RBM39: variants seen among roughly 807,000 people sequenced by gnomAD.
The protein encoded by RBM39 is RNA-binding protein 39.
Under a neutral mutation model 79.6 loss-of-function variants are expected in RBM39, and 12 were observed. That is an observed-to-expected ratio of 0.15 (90% CI 0.10 to 0.24). RBM39 has a LOEUF of 0.24. RBM39 is among the 10% of genes least tolerant of loss of function. The pLI, the probability that RBM39 is intolerant of heterozygous loss-of-function variation, is 1.00. For synonymous variants in RBM39, 185 were observed against 208.4 expected (o/e 0.89, Z 0.97); for missense variants, 243 against 653.4 (o/e 0.37, Z 6.85).
Position 35,704,486 on chromosome 20 carries a change from G to T in RBM39, c.1588C>A (p.Arg530=). 2 of 1,603,478 alleles carry T rather than the reference G, an allele frequency of 1.2e-6. No homozygotes were observed. The highest frequency in any genetic ancestry group is 2.2e-5 in the South Asian group (2 of 90,730). The change falls in exon 17 of 17, where the codon CGA becomes AGA. Residue 530 remains arginine (R), a synonymous_variant. Coordinates refer to ENST00000253363, the MANE Select transcript of RBM39 (RefSeq NM_184234.3). ...TATQLLVPSR[R] is the part of the protein sequence containing the mutation. Reference sequence around the variant, plus strand: ...ATAAGGGACTATATCTTCCTTCATCGTCTACTTGGAACCAGTAGCTGTGTT... The same window carrying T: ...ATAAGGGACTATATCTTCCTTCATCTTCTACTTGGAACCAGTAGCTGTGTT...
At chr20:35,714,100 T>C in intron 11 of RBM39, 85 bp downstream of exon 11, 1 of 1,349,064 alleles carries the variant, frequency 7.4e-7, no homozygotes. Context: ...ATAAAATCTT[T>C]TTCCCTTTCT....
intron 13 of RBM39, chr20:35,708,956 A>T (rs1376534139): frequency 5.9e-6 from 2 of 337,928 alleles, no homozygotes; most frequent in Non-Finnish European, 1.1e-5. Context: ...ACACACAGGT[A>T]GGCATAAAAC....
intron 9 of RBM39, among the ~76,000 whole-genome samples, chr20:35,719,439 C>A (rs888172205): frequency 3.9e-5 from 6 of 152,106 alleles, no homozygotes; most frequent in Non-Finnish European, 5.9e-5. Flanking sequence ...CAGTGGCTCA[C>A]GCCTGTAATG....
chr20:35,737,848 C>CAAAAA (rs35300439), intron 3 of RBM39, among the ~76,000 whole-genome samples: 10 of 40,432 alleles, frequency 2.5e-4, no homozygotes, highest in African/African-American at 6.4e-4. Context: ...GACTCCGTGT[C>CAAAAA]AAAAAAAAAA....
intron 9 of RBM39, among the ~76,000 whole-genome samples, chr20:35,718,412 C>A (rs2037449087): frequency 6.6e-6 from 1 of 152,008 alleles, no homozygotes; most frequent in Non-Finnish European, 1.5e-5. Context: ...TTAGGCTGGG[C>A]TCGGTGGCTC....
At position 35,704,519 on chromosome 20, in the gene RBM39, T is replaced by C. The variant is rs200574488; in HGVS notation, c.1555A>G (p.Met519Val). 4.4e-4 allele frequency: 703 copies of C among 1,613,318 alleles called. 2 individuals carry two copies. Among genetic ancestry groups the C allele is most frequent in the Middle Eastern group, 8.5e-4 (5 of 5,916 alleles). Residue 519 changes from methionine (M) to valine (V), a missense_variant, in exon 17 of 17, where the codon ATG becomes GTG. Met to Val is a conservative substitution (Grantham distance 21). Transcript: ENST00000253363. ...GGAACCAGTAGCTGTGTTGCTGTCA[T>C]AGAATCAGGAAACAGGTTGTGGTAA... The part of the protein sequence containing the change: ...PTYHNLFPDS[M>V]TATQLLVPSR...
intron 12 of RBM39, chr20:35,710,419 T>C (rs1447467434): frequency 3.3e-5 from 5 of 152,186 alleles, no homozygotes; most frequent in Non-Finnish European, 7.4e-5. Flanking sequence ...GTCTTTTTTT[T>C]CCTAAAATGG....
intron 6 of RBM39, among the ~76,000 whole-genome samples, chr20:35,725,900 G>T (rs2038625386): frequency 6.6e-6 from 1 of 151,348 alleles, no homozygotes; most frequent in Admixed American, 6.6e-5. Context: ...TTGATCTCAG[G>T]TGATGTGCCC....
At chr20:35,708,012 T>G in intron 13 of RBM39, 2 of 392,820 alleles carry the variant, frequency 5.1e-6, no homozygotes, top group South Asian at 3.7e-5. Context: ...AAACAGTGCA[T>G]TAGAAATTAT....
chr20:35,722,244 A>C (rs1294314130), intron 8 of RBM39, among the ~76,000 whole-genome samples: 1 of 151,782 alleles, frequency 6.6e-6, no homozygotes, highest in Non-Finnish European at 1.5e-5. Context: ...CATCTCTACC[A>C]AATATAGAAA....
chr20:35,705,749 T>C (rs933671263), intron 14 of RBM39, among the ~76,000 whole-genome samples: 2 of 149,334 alleles, frequency 1.3e-5, no homozygotes, highest in Non-Finnish European at 3.0e-5. Flanking sequence ...AGTGAGCCAG[T>C]ATCAAATCCC....
At chr20:35,727,899 T>C (rs1489954954) in intron 6 of RBM39, among the ~76,000 whole-genome samples, 3 of 152,118 alleles carry the variant, frequency 2.0e-5, no homozygotes, top group African/African-American at 7.2e-5. Flanking sequence ...TCCGCCTGCC[T>C]CGGCCTTCCA....
chr20:35,720,934 G>A (rs929055993), intron 9 of RBM39, among the ~76,000 whole-genome samples: 2 of 152,080 alleles, frequency 1.3e-5, no homozygotes, highest in African/African-American at 4.8e-5. Flanking sequence ...CACATAACCA[G>A]GGAGACAGAG....
chr20:35,724,451 C>T, intron 8 of RBM39, 119 bp downstream of exon 8: 1 of 941,688 alleles, frequency 1.1e-6, no homozygotes, highest in South Asian at 3.3e-5. Context: ...AAAAAAAGTC[C>T]TGAAAACATC....
chr20:35,711,665 A>G (rs1313401200), intron 12 of RBM39, among the ~76,000 whole-genome samples: 1 of 152,238 alleles, frequency 6.6e-6, no homozygotes, highest in Non-Finnish European at 1.5e-5. Flanking sequence ...AACCACTAAG[A>G]AGGCAAAACA....
chr20:35,707,308 TGTCACTG>T, intron 13 of RBM39, 107 bp from the exon 14 acceptor site: 3 of 591,626 alleles, frequency 5.1e-6, no homozygotes, highest in Admixed American at 3.5e-5. Flanking sequence ...GTAACTAGGA[TGTCACTG>T]GAGTTATTTT....
intron 12 of RBM39, chr20:35,710,202 A>T (rs920672755): frequency 6.6e-6 from 1 of 152,148 alleles, no homozygotes; most frequent in Non-Finnish European, 1.5e-5. Flanking sequence ...GCAACACTTT[A>T]TTACCACATA....
intron 6 of RBM39, among the ~76,000 whole-genome samples, chr20:35,725,670 TTTTTTTTC>T (rs951384467): frequency 4.3e-5 from 6 of 141,032 alleles, no homozygotes; most frequent in African/African-American, 1.4e-4. Context: ...TTTTTTTTTT[TTTTTTTTC>T]CAGAGGAAGT....
At chr20:35,727,736 G>A (rs975718730) in intron 6 of RBM39, among the ~76,000 whole-genome samples, 4 of 150,442 alleles carry the variant, frequency 2.7e-5, no homozygotes, top group African/African-American at 7.4e-5. Flanking sequence ...TGCAACCTCC[G>A]CCTCTTGGGT....
Sources: gnomAD v4.1 joint callset for allele counts (sites outside exome capture counted in the v4.1 genomes callset) on GRCh38, gnomAD v4.1.1 for gene constraint, MANE v1.5 for transcripts, NCBI Gene and HGNC (gene_info 2026-07-23, HGNC 2026-07-21) for gene names.